The following POC1B variants were observed in gnomAD, a reference collection of about 807,000 sequenced individuals.
POC1B encodes the protein POC1 centriolar protein B, also known as POC1 centriolar protein homolog B.
In POC1B, 44 loss-of-function variants were observed where a neutral mutation model predicts 60.6. The ratio of observed to expected loss-of-function variants is 0.73; its 90% CI spans 0.57 to 0.93. The LOEUF (loss-of-function observed/expected upper bound fraction) is 0.93. POC1B is among the 40% of genes least tolerant of loss of function. The pLI is 0.00. For missense variants in POC1B, 555 were observed against 572.3 expected (o/e 0.97, Z 0.31); for synonymous variants, 180 against 198.9 (o/e 0.90, Z 0.80).
At chr12:89,458,413 T>G (rs1171873663) in intron 10 of POC1B, among the ~76,000 whole-genome samples, 3 of 152,232 alleles carry the variant, frequency 2.0e-5, no homozygotes, top group Admixed American at 6.5e-5. Context: ...ACATGAATAC[T>G]GTAAGAAACA....
chr12:89,439,721 A>G (rs539763911), intron 10 of POC1B, among the ~76,000 whole-genome samples: 2 of 152,300 alleles, frequency 1.3e-5, no homozygotes, highest in East Asian at 3.9e-4. Flanking sequence ...CTCCTGCCTC[A>G]GCCTCCTGAG....
chr12:89,522,625 T>C (rs1377466217), intron 2 of POC1B: 1 of 558,552 alleles, frequency 1.8e-6, no homozygotes, highest in Non-Finnish European at 2.8e-6. Flanking sequence ...TTGTGAAATA[T>C]TAAACAGCAG....
chr12:89,503,370 G>C (rs1243309110), intron 2 of POC1B, among the ~76,000 whole-genome samples: 1 of 150,812 alleles, frequency 6.6e-6, no homozygotes, highest in African/African-American at 2.4e-5. Flanking sequence ...GCCAGCCTCG[G>C]CCTCCCGAGG....
chr12:89,475,541 A>C (rs1883069928), intron 4 of POC1B, among the ~76,000 whole-genome samples: 1 of 152,180 alleles, frequency 6.6e-6, no homozygotes, highest in Non-Finnish European at 1.5e-5. Context: ...ATTTTTAATT[A>C]GATACATCAA....
intron 2 of POC1B, chr12:89,524,341 T>C: frequency 6.2e-7 from 1 of 1,614,022 alleles, no homozygotes; most frequent in Admixed American, 1.7e-5. Flanking sequence ...TGCACGGGAA[T>C]CTGCAGGGGG....
intron 2 of POC1B, among the ~76,000 whole-genome samples, chr12:89,517,085 G>T (rs1870477555): frequency 1.3e-5 from 2 of 152,098 alleles, no homozygotes. Flanking sequence ...TAGCTTCAAG[G>T]CCCTGCCTAA....
chr12:89,457,780 T>C (rs1193931199), intron 10 of POC1B, among the ~76,000 whole-genome samples: 1 of 152,222 alleles, frequency 6.6e-6, no homozygotes, highest in Non-Finnish European at 1.5e-5. Flanking sequence ...ATAATTTTAC[T>C]CTTCCATTTT....
chr12:89,402,620 G>T, the POC1B span, among the ~76,000 whole-genome samples: 1 of 152,164 alleles, frequency 6.6e-6, no homozygotes, highest in African/African-American at 2.4e-5. Context: ...AGAACATGCG[G>T]TATTTGGTTT....
At chr12:89,460,309 G>C (rs1882436463) in intron 9 of POC1B, among the ~76,000 whole-genome samples, 1 of 151,992 alleles carries the variant, frequency 6.6e-6, no homozygotes, top group Non-Finnish European at 1.5e-5. Flanking sequence ...AAAAGAGTAA[G>C]ACCTTATGGA....
chr12:89,522,179 T>C (rs1870940274), intron 2 of POC1B: 1 of 398,710 alleles, frequency 2.5e-6, no homozygotes, highest in Non-Finnish European at 4.4e-6. Flanking sequence ...TATCTCCCCA[T>C]TTCATTTAAA....
At position 89,459,649 on chromosome 12, in the gene POC1B, CA is replaced by C; in HGVS notation, c.1101del (p.Phe367LeufsTer26). On this transcript the variant is annotated frameshift_variant, in exon 10 of 12. Transcript: ENST00000313546. LOFTEE classifies it high-confidence loss of function. ...STPPVMDILS[F>X]DSTTTTETSG... ...AAAACCCGACTTACTGTGGTAGAAT[CA>C]AAAGAAAGGATATCCATAACAGGGG... 3 of 1,431,476 alleles carry C rather than the reference CA, an allele frequency of 2.1e-6. No individual in the cohort carries two copies. The highest frequency in any genetic ancestry group is 1.5e-5 in the South Asian group (1 of 68,770). The allele number at this position is 1,431,476 out of a possible 1,614,324, so 88.7% of individuals were successfully genotyped here. A position where few individuals can be genotyped will look rare whatever the true frequency, so the allele number is the denominator to read the frequency against.
At chr12:89,524,084 G>A (rs1313597148) in intron 2 of POC1B, 1 of 1,613,872 alleles carries the variant, frequency 6.2e-7, no homozygotes, top group Non-Finnish European at 8.5e-7. Context: ...AAAACACTGT[G>A]AATGGTACGG....
chr12:89,437,368 A>G (rs891539340), intron 10 of POC1B, among the ~76,000 whole-genome samples: 2 of 152,156 alleles, frequency 1.3e-5, no homozygotes, highest in Non-Finnish European at 2.9e-5. Flanking sequence ...ATCCATCCTC[A>G]TCTTTTCTTG....
chr12:89,464,637 G>A (rs780147076), intron 9 of POC1B, among the ~76,000 whole-genome samples: 15 of 150,858 alleles, frequency 9.9e-5, no homozygotes, highest in Non-Finnish European at 1.6e-4. Flanking sequence ...ATAGGCACGC[G>A]CCACCACACC....
At chr12:89,448,238 A>C (rs1286963396) in intron 10 of POC1B, among the ~76,000 whole-genome samples, 1 of 152,156 alleles carries the variant, frequency 6.6e-6, no homozygotes, top group African/African-American at 2.4e-5. Flanking sequence ...TCAGGAGTTC[A>C]AGACAAACCT....
the POC1B span, among the ~76,000 whole-genome samples, chr12:89,412,998 A>G: frequency 6.6e-6 from 1 of 151,718 alleles, no homozygotes; most frequent in African/African-American, 2.4e-5. Context: ...TCCTGGATTC[A>G]AGAAATTTTC....
chr12:89,417,082 C>G (rs1880376912), downstream of POC1B, among the ~76,000 whole-genome samples: 1 of 152,158 alleles, frequency 6.6e-6, no homozygotes, highest in Non-Finnish European at 1.5e-5. Flanking sequence ...CACTAAAGTT[C>G]ACTAATTGAA....
At chr12:89,525,429 C>G in intron 1 of POC1B, 1 of 1,382,176 alleles carries the variant, frequency 7.2e-7, no homozygotes, top group Non-Finnish European at 9.3e-7. Context: ...GCAAAACGCT[C>G]TGTTCGCGCT....
Position 89,425,117 on chromosome 12 carries a change from AT to A in POC1B, c.1332+43del, listed in dbSNP as rs1565891665. 2.5e-6 allele frequency: 4 copies of A among 1,588,968 alleles called. No homozygotes were observed. In the African/African-American group the frequency reaches 5.4e-5, roughly 21 times the overall value. On this transcript the variant is annotated intron_variant, in intron 11 of 11. Transcript: ENST00000313546. ...TGCTGTATCCAGAATTGTTTTGTGTATTTTACCCCCAAGTGCAACTCATGCA... is the reference window on the plus strand; with the variant it reads ...TGCTGTATCCAGAATTGTTTTGTGTATTTACCCCCAAGTGCAACTCATGCA...
Sources: gnomAD v4.1 joint callset for allele counts (sites outside exome capture counted in the v4.1 genomes callset) on GRCh38, gnomAD v4.1.1 for gene constraint, MANE v1.5 for transcripts, NCBI Gene and HGNC (gene_info 2026-07-23, HGNC 2026-07-21) for gene names.